Variants in SVIL observed in about 807,000 individuals in gnomAD.
The protein encoded by SVIL is supervillin, also known as archvillin.
SVIL carries 101 observed loss-of-function variants against 240.4 expected under a neutral mutation model. That is an observed-to-expected ratio of 0.42 (90% CI 0.36 to 0.50). The LOEUF (loss-of-function observed/expected upper bound fraction) is 0.50. SVIL is among the 20% of genes least tolerant of loss of function. The pLI, the probability that SVIL is intolerant of heterozygous loss-of-function variation, is 0.01. For missense variants in SVIL, 2,512 were observed against 2,818.7 expected (o/e 0.89, Z 2.46); for synonymous variants, 999 against 1,100.0 (o/e 0.91, Z 1.82).
Position 29,533,457 on chromosome 10 carries a change from C to A in SVIL, c.910G>T (p.Val304Phe), listed in dbSNP as rs772127401. Residue 304 changes from valine (V) to phenylalanine (F), a missense_variant and splice_region_variant, in exon 8 of 38, where the codon GTT becomes TTT. Val to Phe is a conservative substitution (Grantham distance 50). Around this residue, in one of 3 missense-constraint regions of SVIL, gnomAD observed 1,443 missense variants for 1,486.6 expected, o/e 0.97. Transcript: ENST00000355867. ...TPSLINWPSR[V>F]KVREKLVKEE... ...TTCACCAATTTTTCTCTAACTTTAACTCTTTAAGAAAGAAAAAGGATTTAA... is the reference window on the plus strand; with the variant it reads ...TTCACCAATTTTTCTCTAACTTTAAATCTTTAAGAAAGAAAAAGGATTTAA... 9 of 1,611,160 alleles carry A rather than the reference C, an allele frequency of 5.6e-6. No homozygotes were observed. Among genetic ancestry groups the A allele is most frequent in the Non-Finnish European group, 7.6e-6 (9 of 1,178,044 alleles).
chr10:29,538,776 T>C (rs990717462), intron 6 of SVIL, among the ~76,000 whole-genome samples: 1 of 152,228 alleles, frequency 6.6e-6, no homozygotes, highest in Admixed American at 6.5e-5. Flanking sequence ...TTTTCTGACT[T>C]GCAATATTTT....
chr10:29,480,817 C>G lies in SVIL; in HGVS notation c.5101-4G>C, dbSNP rs759072416. 7 of 1,598,742 alleles carry G rather than the reference C, an allele frequency of 4.4e-6. No homozygotes were observed. Among genetic ancestry groups the G allele is most frequent in the African/African-American group, 1.3e-5 (1 of 74,774 alleles). ...TGACATCAGTCCTGGGGTCTTCCTA[C>G]AGGGGAACACAAAGACATCAGTTCA... On this transcript the variant is annotated splice_region_variant and splice_polypyrimidine_tract_variant and intron_variant, in intron 28 of 37. Transcript: ENST00000355867.
intron 16 of SVIL, among the ~76,000 whole-genome samples, chr10:29,519,446 T>C (rs1228950537): frequency 6.6e-6 from 1 of 152,188 alleles, no homozygotes; most frequent in Non-Finnish European, 1.5e-5. Flanking sequence ...TATATATTTC[T>C]TTCTCAAGAA....
intron 1 of SVIL, among the ~76,000 whole-genome samples, chr10:29,610,209 G>A (rs549965527): frequency 1.3e-5 from 2 of 152,052 alleles, no homozygotes; most frequent in Admixed American, 6.6e-5. Flanking sequence ...CTTCCCTCAC[G>A]CCCCACCCTC....
chr10:29,554,284 A>G (rs1953693030), intron 5 of SVIL, among the ~76,000 whole-genome samples: 1 of 152,020 alleles, frequency 6.6e-6, no homozygotes, highest in Non-Finnish European at 1.5e-5. Flanking sequence ...ACTCCAGCCT[A>G]GGTGACAGAG....
intron 1 of SVIL, among the ~76,000 whole-genome samples, chr10:29,572,934 G>A (rs7914500): frequency 0.48 from 73,116 of 151,838 alleles, 18,311 homozygotes; most frequent in African/African-American, 0.64. Flanking sequence ...TACTCTTCCT[G>A]TAGAATACTC....
At chr10:29,724,777 T>G (rs1463601794) in intron 1 of SVIL, among the ~76,000 whole-genome samples, 1 of 152,040 alleles carries the variant, frequency 6.6e-6, no homozygotes, top group African/African-American at 2.4e-5. Context: ...ATCCCGGCAC[T>G]TTGGGAGGCT....
At chr10:29,587,245 G>C (rs1956207971) in intron 1 of SVIL, among the ~76,000 whole-genome samples, 1 of 152,276 alleles carries the variant, frequency 6.6e-6, no homozygotes, top group Admixed American at 6.5e-5. Flanking sequence ...TCATCACAGA[G>C]CACTATCATT....
At chr10:29,532,235 G>A in intron 8 of SVIL, 63 bp from the exon 9 acceptor site, 1 of 1,563,294 alleles carries the variant, frequency 6.4e-7, no homozygotes, top group Non-Finnish European at 8.7e-7. Flanking sequence ...AGAGAAGATG[G>A]CAAAGGATTA....
At chr10:29,700,987 C>T (rs902825890) in intron 1 of SVIL, among the ~76,000 whole-genome samples, 3 of 152,196 alleles carry the variant, frequency 2.0e-5, no homozygotes, top group East Asian at 1.9e-4. Context: ...TTCCTCTCCA[C>T]GCTCCAGCCC....
chr10:29,590,730 T>C (rs989760412), intron 1 of SVIL, among the ~76,000 whole-genome samples: 5 of 152,336 alleles, frequency 3.3e-5, no homozygotes, highest in African/African-American at 4.8e-5. Flanking sequence ...TATGCTGAAA[T>C]ACCTTTAAAC....
intron 1 of SVIL, among the ~76,000 whole-genome samples, chr10:29,587,842 T>C (rs1293708810): frequency 6.6e-6 from 1 of 152,044 alleles, no homozygotes; most frequent in Non-Finnish European, 1.5e-5. Context: ...TTCCAGAAAA[T>C]GATTACACAC....
intron 17 of SVIL, among the ~76,000 whole-genome samples, chr10:29,502,279 TAC>T (rs1948952666): frequency 6.6e-6 from 1 of 152,196 alleles, no homozygotes; most frequent in African/African-American, 2.4e-5. Context: ...GTAAAGCATA[TAC>T]AGTTTGTTTA....
chr10:29,577,633 T>G (rs1365769520), intron 1 of SVIL, among the ~76,000 whole-genome samples: 2 of 152,276 alleles, frequency 1.3e-5, no homozygotes, highest in South Asian at 4.1e-4. Flanking sequence ...TGAATTGTGC[T>G]GCTATAAATA....
intron 3 of SVIL, among the ~76,000 whole-genome samples, chr10:29,558,989 A>G (rs1369735652): frequency 2.0e-5 from 3 of 148,788 alleles, no homozygotes; most frequent in Non-Finnish European, 4.5e-5. Context: ...TATTATATAA[A>G]CCATGTTTTA....
intron 18 of SVIL, among the ~76,000 whole-genome samples, chr10:29,497,520 T>C (rs914803498): frequency 6.6e-6 from 1 of 152,208 alleles, no homozygotes; most frequent in South Asian, 2.1e-4. Context: ...GTCAGTTTCA[T>C]AAATTTTTGA....
intron 14 of SVIL, 94 bp downstream of exon 14, chr10:29,524,378 A>G: frequency 6.4e-7 from 1 of 1,555,916 alleles, no homozygotes; most frequent in Non-Finnish European, 8.7e-7. Flanking sequence ...CTGGTAGAGC[A>G]CCTTAATTAC....
At chr10:29,540,785 G>A (rs1009504926) in intron 6 of SVIL, among the ~76,000 whole-genome samples, 2 of 152,188 alleles carry the variant, frequency 1.3e-5, no homozygotes, top group African/African-American at 4.8e-5. Flanking sequence ...CGTCAGAAGA[G>A]TTACCCGATT....
rs574483740 is a variant in SVIL, at chr10:29,518,747, T to C, written c.3389+3663A>G. Reference sequence around the variant, plus strand: ...GGTGGGCTCCTGTGATCCCAGCTACTCAGGAGGGTGAGGCAGGAGAATCAC... The same window carrying C: ...GGTGGGCTCCTGTGATCCCAGCTACCCAGGAGGGTGAGGCAGGAGAATCAC... On this transcript the variant is annotated intron_variant, in intron 16 of 37. Coordinates refer to ENST00000355867, the MANE Select transcript of SVIL (RefSeq NM_021738.3). Among the ~76,000 whole-genome samples the C allele has an allele frequency of 7.2e-5, 11 of 152,200 alleles. No homozygotes were observed. In the South Asian group the frequency reaches 2.3e-3, roughly 32 times the overall value.
Sources: gnomAD v4.1 joint callset for allele counts (sites outside exome capture counted in the v4.1 genomes callset) on GRCh38, gnomAD v4.1.1 for gene constraint, gnomAD v4.1.1 regional missense constraint, MANE v1.5 for transcripts, NCBI Gene and HGNC (gene_info 2026-07-23, HGNC 2026-07-21) for gene names.